PLEKHM1: variants seen among roughly 807,000 people sequenced by gnomAD.
The protein encoded by PLEKHM1 is pleckstrin homology and RUN domain containing M1.
PLEKHM1 carries 28 observed loss-of-function variants against 94.3 expected under a neutral mutation model. The ratio of observed to expected loss-of-function variants is 0.30; its 90% confidence interval spans 0.22 to 0.41. The LOEUF is 0.41. Among genes scored for constraint, PLEKHM1 ranks in the 10% least tolerant of loss-of-function variants. The pLI is 1.00. For synonymous variants in PLEKHM1, 424 were observed against 581.2 expected, an observed-to-expected ratio of 0.73 and a Z score of 3.89; for missense variants, 907 against 1,358.6, an observed-to-expected ratio of 0.67 and a Z score of 5.22.
rs2051378841 is a variant in PLEKHM1 at position 45,468,189 on chromosome 17, G to C, written c.1308+20C>G. The C allele has an allele frequency of 6.2e-7, 1 of 1,612,750 alleles. No homozygotes were observed. Among genetic ancestry groups the C allele is most frequent in the Non-Finnish European group, 8.5e-7 (1 of 1,179,826 alleles). On this transcript the variant is annotated intron_variant, in intron 5 of 11. Coordinates refer to ENST00000430334, the MANE Select transcript of PLEKHM1 (RefSeq NM_014798.3). ...CTGACATTTCCCAAGACTGCCCCCT[G>C]AACGGCTTGCACCACTCACCGGACT...
intron 1 of PLEKHM1, among the ~76,000 whole-genome samples, chr17:45,488,838 C>A (rs1366881639): frequency 6.6e-6 from 1 of 152,124 alleles, no homozygotes; most frequent in Non-Finnish European, 1.5e-5. Context: ...ACTCGGGAGG[C>A]TGAGGCAGGA....
At position 45,437,483 on chromosome 17, in the gene PLEKHM1, A is replaced by G; in HGVS notation, c.*375T>C. ...GGAAAAACCCACCTTAAAAAACTAG[A>G]CCTTTTAATCAGGAATGTGGAATTG... is the stretch of plus-strand genomic sequence containing the variant. On this transcript the variant is annotated 3_prime_UTR_variant, in exon 12 of 12. Transcript: ENST00000430334. This position sits in a 1 kb window ranked among gnomAD's most constrained non-coding sequence, Gnocchi z 4.0. The G allele has an allele frequency of 2.0e-6, 1 of 501,458 alleles. No homozygotes were observed. The highest frequency in any genetic ancestry group is 3.9e-6 in the Non-Finnish European group (1 of 258,138). The allele number at this position is 501,458 out of a possible 1,614,324, so 31.1% of individuals were successfully genotyped here.
intron 6 of PLEKHM1, chr17:45,454,507 C>A: frequency 1.6e-6 from 1 of 619,320 alleles, no homozygotes; most frequent in Non-Finnish European, 2.9e-6. Flanking sequence ...ATAAGAGCAC[C>A]CAAAAGATCC....
rs372119492 is a variant in PLEKHM1 at position 45,454,074 on chromosome 17, C to T, written c.1778G>A (p.Arg593His). ...CTTGCCAGAGAAGACCAGCTCAAAG[C>T]GCCCATCACTATGGGCTGGCCCCAC... ...ESVGPAHSDG[R>H]FELVFSGKKL... The change falls in exon 7 of 12, where the codon CGC becomes CAC. Residue 593 changes from arginine to histidine, a missense_variant. Physicochemically the swap from Arg to His is conservative, Grantham distance 29. Coordinates refer to ENST00000430334, the MANE Select transcript of PLEKHM1 (RefSeq NM_014798.3). 8 of 1,614,072 alleles carry T rather than the reference C, an allele frequency of 5.0e-6. No homozygotes were observed. Among genetic ancestry groups the T allele is most frequent in the African/African-American group, 2.7e-5 (2 of 74,950 alleles).
At chr17:45,448,825 T>C (rs2050687253) in intron 8 of PLEKHM1, among the ~76,000 whole-genome samples, 1 of 152,116 alleles carries the variant, frequency 6.6e-6, no homozygotes, top group Non-Finnish European at 1.5e-5. Context: ...GACTTTAAGA[T>C]ACATCTTATT....
intron 6 of PLEKHM1, among the ~76,000 whole-genome samples, chr17:45,456,679 C>T (rs968017858): frequency 3.3e-5 from 5 of 152,262 alleles, no homozygotes; most frequent in Admixed American, 1.3e-4. Flanking sequence ...CAGGGCTACC[C>T]ACAGCAAGGC....
chr17:45,440,366 C>A lies in PLEKHM1; in HGVS notation c.2838-140G>T, dbSNP rs117755594. The A allele has an allele frequency of 2.3e-5, 19 of 816,864 alleles. No homozygotes were observed. In the Admixed American group the frequency reaches 3.8e-4, roughly 16 times the overall value. 50.6% of individuals were successfully genotyped at this position (816,864 alleles called of 1,614,324 possible). On this transcript the variant is annotated intron_variant, in intron 9 of 11. Coordinates refer to ENST00000430334, the MANE Select transcript of PLEKHM1 (RefSeq NM_014798.3). ...CGGGGCAGGGGCTAGGAGTGTAATT[C>A]GGCCTGCCTGGGCTTGGGGCCTGGT...
At chr17:45,454,947 G>A (rs149598281) in intron 6 of PLEKHM1, 159 of 162,440 alleles carry the variant, frequency 9.8e-4, no homozygotes, top group African/African-American at 3.1e-3. Context: ...TGGTGAACAC[G>A]GTGAAACCCC....
chr17:45,468,456 G>A lies in PLEKHM1; in HGVS notation c.1061C>T (p.Ala354Val), dbSNP rs575191410. The change falls in exon 5 of 12, where the codon GCA becomes GTA. Residue 354 changes from alanine (A) to valine (V), a missense_variant. Ala to Val is a moderately conservative substitution (Grantham distance 64, BLOSUM62 0). This residue lies in a region of PLEKHM1 where 477 missense variants were observed against 601.5 expected (regional missense o/e 0.79). Transcript: ENST00000430334. ...CTGGGCAGGAAGGGGCTCTGCAGGT[G>A]CCTCACAGTGCAGGTATGTGCTGGT... ...LNTSTYLHCE[A>V]PAEPLPAQAA... 2.5e-6 allele frequency: 4 copies of A among 1,614,254 alleles called. No homozygotes were observed. The East Asian group carries it at 6.7e-5, about 27-fold the overall frequency.
At chr17:45,455,916 C>A (rs1250799552) in intron 6 of PLEKHM1, among the ~76,000 whole-genome samples, 2 of 152,212 alleles carry the variant, frequency 1.3e-5, no homozygotes, top group Non-Finnish European at 2.9e-5. Context: ...TCCAGTGGCC[C>A]ACAGGCCTCG....
At chr17:45,485,926 A>G (rs2052097814) in intron 1 of PLEKHM1, among the ~76,000 whole-genome samples, 1 of 144,716 alleles carries the variant, frequency 6.9e-6, no homozygotes, top group South Asian at 2.2e-4. Flanking sequence ...AAATAAATAA[A>G]TAATTTATGG....
rs371242301 is a variant in PLEKHM1 at position 45,473,095 on chromosome 17, T to C, written c.923+2005A>G. Among the ~76,000 whole-genome samples the C allele has an allele frequency of 1.3e-4, 20 of 152,144 alleles. No individual in the cohort carries two copies. The East Asian group carries it at 3.1e-3, about 23-fold the overall frequency. Reference sequence around the variant, plus strand: ...GGTGGAGTGTAAATGGGCAATAATCTGTGAACATTCCATATTAGTCTATCC... The same window carrying C: ...GGTGGAGTGTAAATGGGCAATAATCCGTGAACATTCCATATTAGTCTATCC... On this transcript the variant is annotated intron_variant, in intron 4 of 11. Transcript: ENST00000430334.
At chr17:45,488,400 T>C (rs1423739273) in intron 1 of PLEKHM1, among the ~76,000 whole-genome samples, 2 of 152,056 alleles carry the variant, frequency 1.3e-5, no homozygotes, top group African/African-American at 2.4e-5. Context: ...AATTGATTAA[T>C]AAAATAAAAA....
At chr17:45,486,074 G>A (rs1174841972) in intron 1 of PLEKHM1, among the ~76,000 whole-genome samples, 2 of 148,354 alleles carry the variant, frequency 1.3e-5, no homozygotes, top group Non-Finnish European at 1.5e-5. Context: ...AAAATTAGCC[G>A]GGTGCAGTGG....
At position 45,454,061 on chromosome 17, in the gene PLEKHM1, G is replaced by GC. The variant is rs752706762; in HGVS notation, c.1790_1791insG (p.Phe598LeufsTer17). Reference sequence around the variant, plus strand: ...GCAGGGCCAGCTTCTTGCCAGAGAAGACCAGCTCAAAGCGCCCATCACTAT... The same window carrying GC: ...GCAGGGCCAGCTTCTTGCCAGAGAAGCACCAGCTCAAAGCGCCCATCACTAT... On this transcript the variant is annotated frameshift_variant, in exon 7 of 12. Transcript: ENST00000430334. LOFTEE classifies it high-confidence loss of function. The GC allele has an allele frequency of 6.2e-7, 1 of 1,614,224 alleles. No homozygotes were observed.
chr17:45,437,523 G>A lies in PLEKHM1; in HGVS notation c.*335C>T. On this transcript the variant is annotated 3_prime_UTR_variant, in exon 12 of 12. Coordinates refer to ENST00000430334, the MANE Select transcript of PLEKHM1 (RefSeq NM_014798.3). This position sits in a 1 kb window ranked among gnomAD's most constrained non-coding sequence, Gnocchi z 4.0. Reference sequence around the variant, plus strand: ...ATGTGGAATTGAAAATGCTCCCCAAGTCCCCTTTCCACAGTGTTTGGGCAG... The same window carrying A: ...ATGTGGAATTGAAAATGCTCCCCAAATCCCCTTTCCACAGTGTTTGGGCAG... The A allele has an allele frequency of 1.7e-6, 1 of 576,090 alleles. No homozygotes were observed. Among genetic ancestry groups the A allele is most frequent in the Non-Finnish European group, 3.3e-6 (1 of 305,982 alleles). The allele number at this position is 576,090 out of a possible 1,614,324, so 35.7% of individuals were successfully genotyped here.
chr17:45,482,647 C>A lies in PLEKHM1; in HGVS notation c.-41-122G>T, dbSNP rs71244259. On this transcript the variant is annotated intron_variant, in intron 1 of 11. Coordinates refer to ENST00000430334, the MANE Select transcript of PLEKHM1 (RefSeq NM_014798.3). ...CAAACTGCAACCAAAAAGGCCTTTG[C>A]AGAACACAAAAGTAAAAACTGATAA... 6,943 of 705,616 alleles carry A rather than the reference C, an allele frequency of 9.8e-3. 331 individuals are homozygous for A. The African/African-American group carries it at 0.1, about 10-fold the overall frequency. The allele number at this position is 705,616 out of a possible 1,614,324, so 43.7% of individuals were successfully genotyped here.
Position 45,451,974 on chromosome 17 carries a change from C to T in PLEKHM1, c.2498-1211G>A, listed in dbSNP as rs1428773271. ...TTCTGCCTAGCTTCTCCCATCCTCGCGGGGCCAACCGCAGACCAATTCCTT... is the reference window on the plus strand; with the variant it reads ...TTCTGCCTAGCTTCTCCCATCCTCGTGGGGCCAACCGCAGACCAATTCCTT... On this transcript the variant is annotated intron_variant, in intron 7 of 11. Transcript: ENST00000430334. Among the ~76,000 whole-genome samples the T allele has an allele frequency of 3.3e-5, 5 of 152,228 alleles. No homozygotes were observed. In the East Asian group the frequency reaches 5.8e-4, roughly 18 times the overall value.
chr17:45,439,717 A>T, intron 10 of PLEKHM1, 83 bp from the exon 11 acceptor site: 1 of 1,571,640 alleles, frequency 6.4e-7, no homozygotes, highest in South Asian at 1.1e-5. Flanking sequence ...AGGCCTTTCA[A>T]GCAGCTGCAC....
Sources: gnomAD v4.1 joint callset for allele counts (sites outside exome capture counted in the v4.1 genomes callset) on GRCh38, gnomAD v4.1.1 for gene constraint, gnomAD v4.1.1 regional missense constraint, Gnocchi (gnomAD v3.1) non-coding constraint, MANE v1.5 for transcripts, NCBI Gene and HGNC (gene_info 2026-07-23, HGNC 2026-07-21) for gene names.